CTNNA2: variants seen among roughly 807,000 people sequenced by gnomAD.
CTNNA2 encodes the protein catenin alpha 2.
Under a neutral mutation model 101.0 loss-of-function variants are expected in CTNNA2, and 42 were observed. The ratio of observed to expected loss-of-function variants is 0.42; its 90% confidence interval spans 0.32 to 0.54. CTNNA2 has a LOEUF of 0.54. CTNNA2 is among the 20% of genes least tolerant of loss of function. CTNNA2 has a pLI of 0.14. For missense variants in CTNNA2, 871 were observed against 1,223.1 expected (o/e 0.71, Z 4.29); for synonymous variants, 450 against 456.4 (o/e 0.99, Z 0.18).
intron 7 of CTNNA2, among the ~76,000 whole-genome samples, chr2:79,926,083 C>T (rs765857766): frequency 6.6e-6 from 1 of 152,094 alleles, no homozygotes; most frequent in South Asian, 2.1e-4. Context: ...CACTGTTTGG[C>T]TATCAAGTTA....
intron 7 of CTNNA2, among the ~76,000 whole-genome samples, chr2:80,332,873 C>G (rs1181959629): frequency 6.6e-6 from 1 of 152,116 alleles, no homozygotes; most frequent in African/African-American, 2.4e-5. Context: ...CAGCTGCTGC[C>G]TGTTTTTATA....
Position 80,517,989 on chromosome 2 carries a change from A to G in CTNNA2, c.1291-26993A>G, listed in dbSNP as rs72823723. On this transcript the variant is annotated intron_variant, in intron 9 of 18. Transcript: ENST00000402739. Reference sequence around the variant, plus strand: ...TATTTCTAGGGATTACAAGTAAAACACCTTCAGGTGACGGGCAGTAAATGC... The same window carrying G: ...TATTTCTAGGGATTACAAGTAAAACGCCTTCAGGTGACGGGCAGTAAATGC... Among the ~76,000 whole-genome samples, 325 of 152,264 alleles carry G rather than the reference A, an allele frequency of 2.1e-3. 1 individual carries two copies. Among genetic ancestry groups the G allele is most frequent in the Middle Eastern group, 3.4e-3 (1 of 294 alleles).
intron 7 of CTNNA2, among the ~76,000 whole-genome samples, chr2:80,312,086 T>G (rs1302488520): frequency 2.0e-5 from 3 of 152,252 alleles, no homozygotes; most frequent in Admixed American, 1.3e-4. Context: ...TAGAAATGCT[T>G]GTTCCTCATT....
At chr2:79,854,348 C>T (rs1680966322) in intron 3 of CTNNA2, among the ~76,000 whole-genome samples, 1 of 152,148 alleles carries the variant, frequency 6.6e-6, no homozygotes, top group Admixed American at 6.5e-5. Context: ...GGGTAAGGCC[C>T]CATGTTGGGT....
chr2:80,646,615 G>A (rs1674120703), intron 18 of CTNNA2, among the ~76,000 whole-genome samples: 1 of 151,782 alleles, frequency 6.6e-6, no homozygotes, highest in Non-Finnish European at 1.5e-5. Flanking sequence ...TGCAGGCAGT[G>A]AAGCAAGAAG....
chr2:79,981,254 T>G (rs2103825141), intron 7 of CTNNA2, among the ~76,000 whole-genome samples: 1 of 152,238 alleles, frequency 6.6e-6, no homozygotes, highest in East Asian at 1.9e-4. Context: ...TAAGCACGCA[T>G]TTTTAGACTA....
intron 7 of CTNNA2, among the ~76,000 whole-genome samples, chr2:80,147,734 C>T (rs1703440181): frequency 6.6e-6 from 1 of 152,180 alleles, no homozygotes; most frequent in Non-Finnish European, 1.5e-5. Flanking sequence ...TTGTGTTAGT[C>T]ATTTATACCA....
chr2:79,248,545 A>G (rs186170096), intron 2 of CTNNA2, among the ~76,000 whole-genome samples: 230 of 152,190 alleles, frequency 1.5e-3, no homozygotes, highest in African/African-American at 5.3e-3. Context: ...GGGCTACCAT[A>G]TTGAGGAGTG....
chr2:80,418,357 G>A (rs993327892), intron 8 of CTNNA2, among the ~76,000 whole-genome samples: 3 of 152,150 alleles, frequency 2.0e-5, no homozygotes, highest in Admixed American at 6.5e-5. Flanking sequence ...TTATACATGA[G>A]CTCACTAATA....
At chr2:80,550,557 A>G (rs1692476866) in intron 11 of CTNNA2, among the ~76,000 whole-genome samples, 1 of 152,234 alleles carries the variant, frequency 6.6e-6, no homozygotes, top group South Asian at 2.1e-4. Context: ...TTTATGCACT[A>G]CATTTATATA....
At chr2:80,459,235 C>T (rs1684228173) in intron 9 of CTNNA2, among the ~76,000 whole-genome samples, 2 of 152,016 alleles carry the variant, frequency 1.3e-5, no homozygotes, top group African/African-American at 4.8e-5. Flanking sequence ...CTCAGTGATC[C>T]ATGAATTTAA....
chr2:79,234,422 C>T (rs1389997433), intron 2 of CTNNA2, among the ~76,000 whole-genome samples: 1 of 152,136 alleles, frequency 6.6e-6, no homozygotes, highest in African/African-American at 2.4e-5. Context: ...CCCGATGGGG[C>T]ATTCTTTATA....
At chr2:80,136,758 T>A (rs1449989304) in intron 7 of CTNNA2, among the ~76,000 whole-genome samples, 1 of 152,210 alleles carries the variant, frequency 6.6e-6, no homozygotes. Context: ...TTGATTAAAT[T>A]GTACATTGGC....
intron 2 of CTNNA2, among the ~76,000 whole-genome samples, chr2:79,711,971 AG>A (rs1289244138): frequency 6.6e-6 from 1 of 152,200 alleles, no homozygotes. Flanking sequence ...GTTAGAAACA[AG>A]GGGTGGGCTA....
intron 4 of CTNNA2, among the ~76,000 whole-genome samples, chr2:79,388,969 T>G (rs1271193869): frequency 6.6e-6 from 1 of 152,156 alleles, no homozygotes; most frequent in Admixed American, 6.5e-5. Flanking sequence ...CACTACCACA[T>G]TTAACCTGGT....
chr2:79,514,264 T>C (rs989451532), intron 1 of CTNNA2, among the ~76,000 whole-genome samples: 4 of 152,208 alleles, frequency 2.6e-5, no homozygotes, highest in African/African-American at 9.6e-5. Flanking sequence ...TTAGACAGTT[T>C]TGGAGAAATG....
At chr2:79,465,439 T>C (rs2104539973) in intron 4 of CTNNA2, among the ~76,000 whole-genome samples, 1 of 152,334 alleles carries the variant, frequency 6.6e-6, no homozygotes, top group East Asian at 1.9e-4. Context: ...TTTGTTCTTT[T>C]GGCTTAGGAT....
chr2:79,772,733 T>C (rs79530310), intron 3 of CTNNA2, among the ~76,000 whole-genome samples: 17,702 of 152,004 alleles, frequency 0.12, 1,133 homozygotes, highest in Admixed American at 0.17. Flanking sequence ...ACCTGGCTAT[T>C]TAAAAAAAAT....
chr2:80,031,413 A>G (rs1695278416), intron 7 of CTNNA2, among the ~76,000 whole-genome samples: 1 of 152,222 alleles, frequency 6.6e-6, no homozygotes, highest in South Asian at 2.1e-4. Flanking sequence ...GAAGGCAAGG[A>G]GCAGCAAGTC....
Sources: allele counts gnomAD v4.1 joint callset (sites outside exome capture counted in the v4.1 genomes callset), GRCh38; gene constraint gnomAD v4.1.1; transcripts MANE v1.5; gene names NCBI Gene and HGNC (gene_info 2026-07-23, HGNC 2026-07-21).